Variants in WAC observed in about 807,000 individuals in gnomAD.
The protein encoded by WAC is WW domain containing adaptor with coiled-coil.
Under a neutral mutation model 79.6 loss-of-function variants are expected in WAC, and 11 were observed. The ratio of observed to expected loss-of-function variants is 0.14; its 90% confidence interval spans 0.09 to 0.23. The LOEUF (loss-of-function observed/expected upper bound fraction) is 0.23, where lower values mean the gene tolerates loss of function less well. WAC is among the 10% of genes least tolerant of loss of function. The pLI, the probability that WAC is intolerant of heterozygous loss-of-function variation, is 1.00. For synonymous variants in WAC, 304 were observed against 276.9 expected, an observed-to-expected ratio of 1.10 and a Z score of -0.97; for missense variants, 728 against 773.5, an observed-to-expected ratio of 0.94 and a Z score of 0.70.
chr10:28,580,408 T>C (rs1839473656), intron 3 of WAC, among the ~76,000 whole-genome samples: 1 of 152,260 alleles, frequency 6.6e-6, no homozygotes, highest in African/African-American at 2.4e-5. Flanking sequence ...AGACCTCATT[T>C]GTAATATACC....
chr10:28,558,867 C>G (rs1378150408), intron 3 of WAC, among the ~76,000 whole-genome samples: 1 of 152,072 alleles, frequency 6.6e-6, no homozygotes, highest in Non-Finnish European at 1.5e-5. Flanking sequence ...CCTTAGAGGT[C>G]AAGTATTGCT....
chr10:28,535,625 G>C lies in WAC; in HGVS notation c.142G>C (p.Asp48His), dbSNP rs1208366758. ...TGATCACAGACATGAAAAGATGCGAGACGCCGGAGATCCTTCACCACCAAA... is the reference window on the plus strand; with the variant it reads ...TGATCACAGACATGAAAAGATGCGACACGCCGGAGATCCTTCACCACCAAA... ...SGDHRHEKMRDAGDPSPPNKM... is the reference protein window; with the variant it reads ...SGDHRHEKMRHAGDPSPPNKM... Residue 48 changes from aspartate (D) to histidine (H), a missense_variant, in exon 3 of 14, where the codon GAC becomes CAC. By Grantham distance (81) the Asp-to-His change is moderately conservative. This residue lies in a region of WAC where 648 missense variants were observed against 661.5 expected (regional missense o/e 0.98). Coordinates refer to ENST00000354911, the MANE Select transcript of WAC (RefSeq NM_016628.5). 6.2e-7 allele frequency: 1 copy of C among 1,613,970 alleles called. No individual in the cohort carries two copies. The highest frequency in any genetic ancestry group is 8.5e-7 in the Non-Finnish European group (1 of 1,180,028).
At chr10:28,579,903 A>T (rs1271366917) in intron 3 of WAC, among the ~76,000 whole-genome samples, 1 of 152,192 alleles carries the variant, frequency 6.6e-6, no homozygotes, top group African/African-American at 2.4e-5. Flanking sequence ...TTCTAGTTGG[A>T]ATGTAAAGAT....
intron 3 of WAC, among the ~76,000 whole-genome samples, chr10:28,567,990 G>A (rs1450089360): frequency 1.3e-5 from 2 of 152,150 alleles, no homozygotes; most frequent in African/African-American, 2.4e-5. Context: ...CGCCCACCCT[G>A]GCCTCCCAAA....
chr10:28,571,185 C>T (rs1421708909), intron 3 of WAC, among the ~76,000 whole-genome samples: 1 of 151,992 alleles, frequency 6.6e-6, no homozygotes, highest in Non-Finnish European at 1.5e-5. Flanking sequence ...CCACCTTGGC[C>T]TCCCAGAGTG....
At chr10:28,557,489 TG>T (rs1403091421) in intron 3 of WAC, among the ~76,000 whole-genome samples, 1 of 151,940 alleles carries the variant, frequency 6.6e-6, no homozygotes, top group African/African-American at 2.4e-5. Context: ...TGAAGTCAGG[TG>T]TTCAAGACCC....
At chr10:28,560,910 G>A (rs976768701) in intron 3 of WAC, among the ~76,000 whole-genome samples, 1 of 152,186 alleles carries the variant, frequency 6.6e-6, no homozygotes, top group Non-Finnish European at 1.5e-5. Flanking sequence ...TTACTATGTT[G>A]AGGAGGCAAG....
chr10:28,606,767 A>G (rs1840975082), intron 7 of WAC, among the ~76,000 whole-genome samples: 1 of 152,208 alleles, frequency 6.6e-6, no homozygotes, highest in African/African-American at 2.4e-5. Context: ...TGATTTACAT[A>G]TATCTGAGTT....
chr10:28,572,735 C>T (rs555668801), intron 3 of WAC, among the ~76,000 whole-genome samples: 7 of 152,070 alleles, frequency 4.6e-5, no homozygotes, highest in South Asian at 4.2e-4. Context: ...TGCTTGAACC[C>T]GGGAGGCAGA....
At chr10:28,605,754 T>G (rs1160311862) in intron 7 of WAC, among the ~76,000 whole-genome samples, 1 of 152,186 alleles carries the variant, frequency 6.6e-6, no homozygotes, top group East Asian at 1.9e-4. Context: ...TCTCGTAGAT[T>G]TGGTAGCACC....
chr10:28,598,021 G>A (rs1840467135), intron 7 of WAC, among the ~76,000 whole-genome samples: 1 of 152,162 alleles, frequency 6.6e-6, no homozygotes, highest in Non-Finnish European at 1.5e-5. Flanking sequence ...TCTGGCCTTG[G>A]CCTCCCAACG....
At chr10:28,540,259 T>G (rs1450532632) in intron 3 of WAC, among the ~76,000 whole-genome samples, 1 of 152,184 alleles carries the variant, frequency 6.6e-6, no homozygotes, top group African/African-American at 2.4e-5. Context: ...TTAATAAAAT[T>G]GAACAGAGAG....
intron 3 of WAC, among the ~76,000 whole-genome samples, chr10:28,545,754 A>G (rs974317304): frequency 1.3e-5 from 2 of 152,238 alleles, no homozygotes; most frequent in Admixed American, 6.5e-5. Flanking sequence ...ATCCTGTGCA[A>G]GGGCATCTAA....
intron 3 of WAC, among the ~76,000 whole-genome samples, chr10:28,541,560 A>G (rs1389938177): frequency 1.3e-5 from 2 of 151,756 alleles, no homozygotes; most frequent in Admixed American, 6.6e-5. Context: ...GGGGCTTGCA[A>G]ATATATTCTA....
intron 4 of WAC, among the ~76,000 whole-genome samples, chr10:28,587,155 A>G (rs1839860408): frequency 6.9e-6 from 1 of 144,468 alleles, no homozygotes. Flanking sequence ...CATATTAAAA[A>G]TTAAAACTGG....
chr10:28,577,067 A>G (rs1839279260), intron 3 of WAC, among the ~76,000 whole-genome samples: 1 of 152,194 alleles, frequency 6.6e-6, no homozygotes, highest in Admixed American at 6.5e-5. Flanking sequence ...GAGTAACTGT[A>G]CAACCAGCTG....
intron 3 of WAC, among the ~76,000 whole-genome samples, chr10:28,567,830 C>T (rs1277423308): frequency 6.6e-6 from 1 of 152,124 alleles, no homozygotes; most frequent in Non-Finnish European, 1.5e-5. Context: ...TCATGGCTCA[C>T]TGCAGCCTTG....
rs768264369 is a variant in WAC, at chr10:28,608,347, A to G, written c.1081A>G (p.Asn361Asp). 3.7e-6 allele frequency: 6 copies of G among 1,614,120 alleles called. No homozygotes were observed. The highest frequency in any genetic ancestry group is 5.1e-6 in the Non-Finnish European group (6 of 1,180,014). ...AATACCTCCCTTACTTCAGGACCCA[A>G]ATCTTCTTAGACAATTGCTTCCTGC... ...SPIPPLLQDPNLLRQLLPALQ... is the reference protein window; with the variant it reads ...SPIPPLLQDPDLLRQLLPALQ... Residue 361 changes from asparagine to aspartate, a missense_variant, in exon 8 of 14, where the codon AAT becomes GAT. Asn to Asp is a conservative substitution (Grantham distance 23). This residue lies in a region of WAC where 648 missense variants were observed against 661.5 expected (regional missense o/e 0.98). Transcript: ENST00000354911.
At chr10:28,586,188 A>AT (rs951634160) in intron 4 of WAC, among the ~76,000 whole-genome samples, 13 of 152,170 alleles carry the variant, frequency 8.5e-5, no homozygotes, top group Non-Finnish European at 1.8e-4. Context: ...TATGTGGGTG[A>AT]TTTTTTAAAA....
Sources: gnomAD v4.1 joint callset for allele counts (sites outside exome capture counted in the v4.1 genomes callset) on GRCh38, gnomAD v4.1.1 for gene constraint, gnomAD v4.1.1 regional missense constraint, MANE v1.5 for transcripts, NCBI Gene and HGNC (gene_info 2026-07-23, HGNC 2026-07-21) for gene names.